WDR70: variants seen among roughly 807,000 people sequenced by gnomAD.
WDR70 encodes WD repeat-containing protein 70.
A neutral mutation model predicts 88.6 loss-of-function variants in WDR70; 53 were observed. The observed-to-expected ratio is 0.60, with a 90% CI of 0.48 to 0.75. The LOEUF is 0.75. WDR70 is among the 30% of genes least tolerant of loss of function. The pLI, the probability that WDR70 is intolerant of heterozygous loss-of-function variation, is 0.00. For missense variants in WDR70, 610 were observed against 823.2 expected, an observed-to-expected ratio of 0.74 and a Z score of 3.17; for synonymous variants, 280 against 270.0, an observed-to-expected ratio of 1.04 and a Z score of -0.36.
At chr5:37,488,767 C>T (rs145332292) in intron 8 of WDR70, among the ~76,000 whole-genome samples, 16 of 152,126 alleles carry the variant, frequency 1.1e-4, no homozygotes, top group Admixed American at 5.9e-4. Context: ...ACTACGATTT[C>T]GAATTTTTTT....
intron 13 of WDR70, among the ~76,000 whole-genome samples, chr5:37,703,484 A>G (rs1016118859): frequency 5.3e-5 from 8 of 152,250 alleles, no homozygotes; most frequent in Non-Finnish European, 1.2e-4. Context: ...CGAAACCATG[A>G]AAACTTTGAC....
At chr5:37,562,720 C>G (rs1298691161) in intron 9 of WDR70, among the ~76,000 whole-genome samples, 1 of 152,078 alleles carries the variant, frequency 6.6e-6, no homozygotes, top group African/African-American at 2.4e-5. Flanking sequence ...TCCATTCAAC[C>G]CTGAGTGGAC....
intron 5 of WDR70, among the ~76,000 whole-genome samples, chr5:37,432,147 C>T (rs1750324911): frequency 6.6e-6 from 1 of 151,790 alleles, no homozygotes; most frequent in Non-Finnish European, 1.5e-5. Flanking sequence ...TCCGTAGTAG[C>T]TATACCATTT....
intron 8 of WDR70, chr5:37,506,803 C>A (rs2112232942): frequency 7.3e-7 from 1 of 1,368,034 alleles, no homozygotes; most frequent in Non-Finnish European, 1.0e-6. Flanking sequence ...CCATATACAG[C>A]AACCACCTTT....
At chr5:37,473,905 A>G (rs1739402087) in intron 7 of WDR70, among the ~76,000 whole-genome samples, 1 of 152,154 alleles carries the variant, frequency 6.6e-6, no homozygotes, top group African/African-American at 2.4e-5. Flanking sequence ...CAGCTTTTGG[A>G]AACATATGTT....
At chr5:37,668,390 G>A (rs1745925579) in intron 10 of WDR70, among the ~76,000 whole-genome samples, 1 of 152,178 alleles carries the variant, frequency 6.6e-6, no homozygotes, top group African/African-American at 2.4e-5. Flanking sequence ...AAGAAAGACA[G>A]GATGTTTCAT....
chr5:37,570,992 C>T (rs2112403878), intron 9 of WDR70, among the ~76,000 whole-genome samples: 2 of 151,996 alleles, frequency 1.3e-5, no homozygotes, highest in African/African-American at 4.8e-5. Context: ...TATTGAATTC[C>T]TGAGTTCACC....
chr5:37,673,015 A>T (rs1022892417), intron 10 of WDR70, among the ~76,000 whole-genome samples: 4 of 151,970 alleles, frequency 2.6e-5, no homozygotes, highest in Non-Finnish European at 5.9e-5. Flanking sequence ...TAAGCCTAGT[A>T]CCTATTAGTT....
At chr5:37,712,147 C>T (rs1202737293) in intron 13 of WDR70, among the ~76,000 whole-genome samples, 4 of 151,978 alleles carry the variant, frequency 2.6e-5, no homozygotes, top group African/African-American at 9.7e-5. Context: ...CACCTGCCAC[C>T]GCACCTGGCT....
intron 5 of WDR70, among the ~76,000 whole-genome samples, chr5:37,434,200 A>AT (rs1554139305): frequency 1.3e-5 from 2 of 152,114 alleles, no homozygotes; most frequent in Non-Finnish European, 2.9e-5. Flanking sequence ...CTTATAAAAA[A>AT]CCATCAGATC....
intron 8 of WDR70, among the ~76,000 whole-genome samples, chr5:37,496,446 T>C (rs1242250012): frequency 6.6e-6 from 1 of 152,078 alleles, no homozygotes. Flanking sequence ...CGTCTGAACA[T>C]CTGAAGGAAC....
intron 8 of WDR70, among the ~76,000 whole-genome samples, chr5:37,515,460 C>T (rs1036091627): frequency 4.6e-5 from 7 of 152,206 alleles, no homozygotes; most frequent in Admixed American, 3.3e-4. Context: ...TCAGACTTGC[C>T]GTCTAGTCCT....
intron 9 of WDR70, among the ~76,000 whole-genome samples, chr5:37,519,278 G>C (rs1740997840): frequency 6.6e-6 from 1 of 151,288 alleles, no homozygotes; most frequent in Non-Finnish European, 1.5e-5. Context: ...GGGGTGGCTG[G>C]GCAGAGGCAC....
intron 10 of WDR70, among the ~76,000 whole-genome samples, chr5:37,679,084 A>T (rs1158637284): frequency 6.6e-6 from 1 of 152,130 alleles, no homozygotes; most frequent in Non-Finnish European, 1.5e-5. Flanking sequence ...CAGCTCCATC[A>T]GCTCCTTTAA....
At chr5:37,451,975 A>T (rs1173575685) in intron 7 of WDR70, among the ~76,000 whole-genome samples, 1 of 152,132 alleles carries the variant, frequency 6.6e-6, no homozygotes, top group Non-Finnish European at 1.5e-5. Flanking sequence ...GCCTGGCAAC[A>T]GAGTGAGACT....
intron 6 of WDR70, among the ~76,000 whole-genome samples, chr5:37,438,603 T>C (rs893725383): frequency 6.6e-6 from 1 of 152,160 alleles, no homozygotes; most frequent in African/African-American, 2.4e-5. Context: ...AAAAAAATTA[T>C]CTTTCCCTTT....
intron 5 of WDR70, among the ~76,000 whole-genome samples, chr5:37,431,124 G>A (rs888521551): frequency 2.6e-5 from 4 of 152,178 alleles, no homozygotes; most frequent in African/African-American, 9.7e-5. Context: ...AAAGCGTTGG[G>A]ATTGCAGGCA....
At chr5:37,576,751 A>C (rs1743066497) in intron 9 of WDR70, among the ~76,000 whole-genome samples, 1 of 126,514 alleles carries the variant, frequency 7.9e-6, no homozygotes, top group Admixed American at 8.8e-5. Context: ...CTGTACCGTA[A>C]ATATTTGGTA....
intron 8 of WDR70, among the ~76,000 whole-genome samples, chr5:37,503,267 TA>T (rs1223538946): frequency 1.3e-5 from 2 of 148,872 alleles, no homozygotes; most frequent in Non-Finnish European, 3.0e-5. Flanking sequence ...TTTTTTTTTT[TA>T]AACTGTAAGT....
Sources: allele counts gnomAD v4.1 joint callset (sites outside exome capture counted in the v4.1 genomes callset), GRCh38; gene constraint gnomAD v4.1.1; transcripts MANE v1.5; gene names NCBI Gene and HGNC (gene_info 2026-07-23, HGNC 2026-07-21).